CDCP1: variants seen among roughly 807,000 people sequenced by gnomAD.
CDCP1 encodes the protein CUB domain-containing protein 1.
In CDCP1, 29 loss-of-function variants were observed where a neutral mutation model predicts 60.2. The observed-to-expected ratio is 0.48, with a 90% CI of 0.36 to 0.66. The LOEUF (loss-of-function observed/expected upper bound fraction) is 0.66, where lower values mean the gene tolerates loss of function less well. CDCP1 is among the 30% of genes least tolerant of loss of function. CDCP1 has a pLI of 0.00. For synonymous variants in CDCP1, 387 were observed against 431.1 expected (o/e 0.90, Z 1.27); for missense variants, 876 against 1,074.3 (o/e 0.82, Z 2.58).
In CDCP1 at chr3:45,146,233, C is replaced by G; in HGVS notation, c.55G>C (p.Gly19Arg). 4 of 1,598,542 alleles carry G rather than the reference C, an allele frequency of 2.5e-6. No homozygotes were observed. The highest frequency in any genetic ancestry group is 3.4e-6 in the Non-Finnish European group (4 of 1,174,602). ...GCCCCGCGCGGCAGGCGCGCCGCAC[C>G]CAGCAGCAGAACCCCTAGCAGTGCG... ...SIALLGVLLL[G>R]AARLPRGAEA... The change falls in exon 1 of 9, where the codon GGT (glycine) becomes CGT (arginine). Residue 19 changes from glycine (G) to arginine (R), a missense_variant. Transcript: ENST00000296129.
intron 4 of CDCP1, among the ~76,000 whole-genome samples, chr3:45,106,524 G>A (rs1237137637): frequency 6.6e-6 from 1 of 152,330 alleles, no homozygotes; most frequent in South Asian, 2.1e-4. Context: ...TGACTCCTGA[G>A]ATTGGTGCAA....
intron 5 of CDCP1, among the ~76,000 whole-genome samples, chr3:45,095,082 T>C (rs1017716952): frequency 6.6e-6 from 1 of 152,060 alleles, no homozygotes; most frequent in Non-Finnish European, 1.5e-5. Flanking sequence ...TATAGGCGCC[T>C]GCCACCATGC....
chr3:45,095,247 T>C (rs1363583392), intron 5 of CDCP1, 100 bp downstream of exon 5: 3 of 1,103,324 alleles, frequency 2.7e-6, no homozygotes, highest in Non-Finnish European at 4.0e-6. Flanking sequence ...TGGGCCTTTT[T>C]GATATGATTT....
chr3:45,091,061 T>G lies in CDCP1; in HGVS notation c.1993+112A>C, dbSNP rs1698283635. On this transcript the variant is annotated intron_variant, in intron 7 of 8. Transcript: ENST00000296129. The surrounding 1 kb of genome is among the most constrained non-coding windows in gnomAD (Gnocchi z 4.8). ...ATTGATGCAATAGCTGACTGATACA[T>G]GGACAGTCAGGACTCAATCTGTGAT... The G allele has an allele frequency of 8.4e-7, 1 of 1,185,410 alleles. No homozygotes were observed. Among genetic ancestry groups the G allele is most frequent in the African/African-American group, 1.5e-5 (1 of 65,750 alleles). The allele number at this position is 1,185,410 out of a possible 1,614,324, so 73.4% of individuals were successfully genotyped here. A position where few individuals can be genotyped will look rare whatever the true frequency, so the allele number is the denominator to read the frequency against.
chr3:45,126,182 C>CCT (rs1576113093), intron 1 of CDCP1, among the ~76,000 whole-genome samples: 1 of 102,714 alleles, frequency 9.7e-6, no homozygotes, highest in African/African-American at 4.1e-5. Flanking sequence ...TTCCTTCTTT[C>CCT]TCTCTCTCTC....
Position 45,107,226 on chromosome 3 carries a change from A to T in CDCP1, c.1024+3247T>A, listed in dbSNP as rs1354311232. On this transcript the variant is annotated intron_variant, in intron 4 of 8. Coordinates refer to ENST00000296129, the MANE Select transcript of CDCP1 (RefSeq NM_022842.5). Reference sequence around the variant, plus strand: ...TTTCCTTTCTTTCTTTTTTTTTTTGAGATGGAGTCTTGCTGTGTTGCCCAG... The same window carrying T: ...TTTCCTTTCTTTCTTTTTTTTTTTGTGATGGAGTCTTGCTGTGTTGCCCAG... Among the ~76,000 whole-genome samples, 8 of 148,756 alleles carry T rather than the reference A, an allele frequency of 5.4e-5. No individual in the cohort carries two copies. The East Asian group carries it at 1.6e-3, about 29-fold the overall frequency.
chr3:45,126,175 C>CTTCT (rs1698993398), intron 1 of CDCP1, among the ~76,000 whole-genome samples: 1 of 36,334 alleles, frequency 2.8e-5, no homozygotes, highest in East Asian at 8.6e-4. Flanking sequence ...TCTTTCTTTC[C>CTTCT]TTCTTTCTCT....
At chr3:45,130,872 T>G (rs1048250397) in intron 1 of CDCP1, among the ~76,000 whole-genome samples, 5 of 152,150 alleles carry the variant, frequency 3.3e-5, no homozygotes, top group Admixed American at 1.3e-4. Flanking sequence ...TGCTTCATTT[T>G]TTTTTTCTTT....
Position 45,110,543 on chromosome 3 carries a change from T to C in CDCP1, c.954A>G (p.Gln318=). ...GGAGGATCCCTGGACTTTGGGCATCTTGGTCACAGCCTTGCAGAGAGAGGT... is the reference window on the plus strand; with the variant it reads ...GGAGGATCCCTGGACTTTGGGCATCCTGGTCACAGCCTTGCAGAGAGAGGT... The part of the protein sequence containing the change: ...NFNLSLQGCD[Q]DAQSPGILRL... Residue 318 remains glutamine, a synonymous_variant, in exon 4 of 9, where the codon CAA becomes CAG. Transcript: ENST00000296129. 3 of 1,614,216 alleles carry C rather than the reference T, an allele frequency of 1.9e-6. No individual in the cohort carries two copies. The highest frequency in any genetic ancestry group is 2.5e-6 in the Non-Finnish European group (3 of 1,180,032).
At chr3:45,117,745 T>G (rs180853699) in intron 2 of CDCP1, among the ~76,000 whole-genome samples, 5 of 152,186 alleles carry the variant, frequency 3.3e-5, no homozygotes, top group Admixed American at 2.6e-4. Flanking sequence ...TACAGGCACC[T>G]GCCACCACCC....
At chr3:45,135,021 G>A (rs78521038) in intron 1 of CDCP1, among the ~76,000 whole-genome samples, 21,596 of 152,206 alleles carry the variant, frequency 0.14, 1,675 homozygotes, top group Middle Eastern at 0.27. Context: ...TAAAAGGTAT[G>A]GATGTGGAAG....
rs1231456699 is a variant in CDCP1, at chr3:45,122,484, C to G, written c.83-3863G>C. ...CTCTTTTAGAAATTTTTTTTTGAGA[C>G]AGAGTTTCCCTCTGTTGCCCAGGCC... On this transcript the variant is annotated intron_variant, in intron 1 of 8. Coordinates refer to ENST00000296129, the MANE Select transcript of CDCP1 (RefSeq NM_022842.5). Among the ~76,000 whole-genome samples the G allele has an allele frequency of 3.3e-5, 5 of 151,238 alleles. No homozygotes were observed. The East Asian group carries it at 5.8e-4, about 18-fold the overall frequency.
chr3:45,132,058 ACT>A (rs144548353), intron 1 of CDCP1, among the ~76,000 whole-genome samples: 6,198 of 151,468 alleles, frequency 0.041, 436 homozygotes, highest in African/African-American at 0.14. Context: ...ACACGGTAAA[ACT>A]CTGTCTCTAC....
In CDCP1 at chr3:45,138,754, C is replaced by T. The variant is rs570413223; in HGVS notation, c.82+7452G>A. On this transcript the variant is annotated intron_variant, in intron 1 of 8. Transcript: ENST00000296129. The stretch of plus-strand genomic sequence containing the variant: ...ATCCCAACTACTCAGGAGGCTGAGG[C>T]AAGAGAACTGCTTCCCAGGAGGTGG... Among the ~76,000 whole-genome samples, 4 of 152,150 alleles carry T rather than the reference C, an allele frequency of 2.6e-5. No individual in the cohort carries two copies. The South Asian group carries it at 8.3e-4, about 32-fold the overall frequency.
rs1052153145 is a variant in CDCP1 at position 45,082,779 on chromosome 3, C to T, written c.*2859G>A. ...CCTTCCTCGTAGGCATGGCAGACCACGTGGATGAGCAGTGGGCTGGCATGC... is the reference window on the plus strand; with the variant it reads ...CCTTCCTCGTAGGCATGGCAGACCATGTGGATGAGCAGTGGGCTGGCATGC... On this transcript the variant is annotated 3_prime_UTR_variant, in exon 9 of 9. Coordinates refer to ENST00000296129, the MANE Select transcript of CDCP1 (RefSeq NM_022842.5). 1.3e-5 allele frequency: 2 copies of T among 152,226 alleles called. No individual in the cohort carries two copies. The highest frequency in any genetic ancestry group is 2.4e-5 in the African/African-American group (1 of 41,436). 9.4% of individuals were successfully genotyped at this position (152,226 alleles called of 1,614,324 possible).
chr3:45,102,303 T>G (rs980142419), intron 4 of CDCP1, among the ~76,000 whole-genome samples: 20 of 152,030 alleles, frequency 1.3e-4, no homozygotes, highest in African/African-American at 4.8e-4. Context: ...ACTCCTGACA[T>G]CAGGTGATCC....
intron 4 of CDCP1, among the ~76,000 whole-genome samples, chr3:45,097,611 C>T (rs943180144): frequency 2.0e-5 from 3 of 151,950 alleles, no homozygotes; most frequent in Non-Finnish European, 2.9e-5. Flanking sequence ...TCAGCGCCGG[C>T]GAATGAGTTC....
At chr3:45,136,502 A>T (rs1282994186) in intron 1 of CDCP1, among the ~76,000 whole-genome samples, 1 of 152,236 alleles carries the variant, frequency 6.6e-6, no homozygotes, top group Non-Finnish European at 1.5e-5. Flanking sequence ...CCATCAAATA[A>T]TAAATCAAAT....
chr3:45,112,560 C>T, intron 2 of CDCP1, 115 bp from the exon 3 acceptor site: 1 of 1,451,340 alleles, frequency 6.9e-7, no homozygotes, highest in African/African-American at 1.4e-5. Context: ...CCAAGGTGGC[C>T]TTTACCAGGC....
Sources: gnomAD v4.1 joint callset for allele counts (sites outside exome capture counted in the v4.1 genomes callset) on GRCh38, gnomAD v4.1.1 for gene constraint, Gnocchi (gnomAD v3.1) non-coding constraint, MANE v1.5 for transcripts, NCBI Gene and HGNC (gene_info 2026-07-23, HGNC 2026-07-21) for gene names.